Variants in DOK4 observed in about 807,000 individuals in gnomAD.
DOK4 encodes the protein downstream of tyrosine kinase 4.
In DOK4, 26 loss-of-function variants were observed where a neutral mutation model predicts 40.1. That is an observed-to-expected ratio of 0.65 (90% CI 0.48 to 0.90). The LOEUF (loss-of-function observed/expected upper bound fraction) is 0.90. Ranked by LOEUF, DOK4 falls within the 40% of genes least tolerant of loss-of-function variation. The pLI is 0.00. For synonymous variants in DOK4, 179 were observed against 177.0 expected, an observed-to-expected ratio of 1.01 and a Z score of -0.09; for missense variants, 392 against 437.2, an observed-to-expected ratio of 0.90 and a Z score of 0.92.
intron 6 of DOK4, 136 bp downstream of exon 6, chr16:57,474,657 T>C: frequency 8.9e-7 from 1 of 1,121,878 alleles, no homozygotes; most frequent in East Asian, 2.6e-5. Context: ...GTCTGTAAAA[T>C]GGGAACATTA....
At position 57,473,884 on chromosome 16, in the gene DOK4, G is replaced by A; in HGVS notation, c.738+17C>T. ...CCCCCCTCCCCCCGTACCCTGGACT[G>A]ATGCCCGCTGCCTCACCCTCACGTT... On this transcript the variant is annotated intron_variant, in intron 7 of 8. Transcript: ENST00000340099. 1 of 1,514,784 alleles carries A rather than the reference G, an allele frequency of 6.6e-7. No individual in the cohort carries two copies. Among genetic ancestry groups the A allele is most frequent in the Non-Finnish European group, 9.1e-7 (1 of 1,098,612 alleles). The allele number at this position is 1,514,784 out of a possible 1,614,324, so 93.8% of individuals were successfully genotyped here.
chr16:57,474,045 G>A lies in DOK4; in HGVS notation c.600-6C>T, dbSNP rs776753707. Reference sequence around the variant, plus strand: ...CTTCCCCAGCATCACACATCCTGGGGACACAGCACAGAGGGCAAGATGGTG... The same window carrying A: ...CTTCCCCAGCATCACACATCCTGGGAACACAGCACAGAGGGCAAGATGGTG... On this transcript the variant is annotated splice_polypyrimidine_tract_variant and splice_region_variant and intron_variant, in intron 6 of 8. Transcript: ENST00000340099. The A allele has an allele frequency of 3.7e-6, 6 of 1,613,856 alleles. No individual in the cohort carries two copies. Among genetic ancestry groups the A allele is most frequent in the Non-Finnish European group, 5.1e-6 (6 of 1,179,962 alleles).
intron 1 of DOK4, chr16:57,484,228 CCT>C (rs2031488019): frequency 6.6e-6 from 1 of 152,504 alleles, no homozygotes; most frequent in Non-Finnish European, 1.5e-5. Flanking sequence ...CCTCCCCACC[CCT>C]GACAGATCGG....
chr16:57,474,023 C>G, exon 7 of DOK4: 1 of 1,614,104 alleles, frequency 6.2e-7, no homozygotes. Context: ...TAGAGTCCTT[C>G]CCCAGCATCA....
At position 57,479,297 on chromosome 16, in the gene DOK4, G is replaced by C. The variant is rs2031320391; in HGVS notation, c.66+145C>G. 6 of 872,480 alleles carry C rather than the reference G, an allele frequency of 6.9e-6. No individual in the cohort carries two copies. The South Asian group carries it at 1.0e-4, about 15-fold the overall frequency. 54.0% of individuals were successfully genotyped at this position (872,480 alleles called of 1,614,324 possible). A position where few individuals can be genotyped will look rare whatever the true frequency, so the allele number is the denominator to read the frequency against. On this transcript the variant is annotated intron_variant, in intron 2 of 8. Coordinates refer to ENST00000340099, the Ensembl canonical transcript of DOK4. This position sits in a 1 kb window ranked among gnomAD's most constrained non-coding sequence, Gnocchi z 5.8. Reference sequence around the variant, plus strand: ...CAGGCACATGCCAGGCAGCACGCTGGCGAGGAGCCCCGAGACCACAGATGC... The same window carrying C: ...CAGGCACATGCCAGGCAGCACGCTGCCGAGGAGCCCCGAGACCACAGATGC...
intron 2 of DOK4, among the ~76,000 whole-genome samples, chr16:57,477,093 G>A (rs1279859775): frequency 4.6e-5 from 7 of 152,250 alleles, no homozygotes; most frequent in African/African-American, 1.4e-4. Context: ...GGGAGACTGA[G>A]TGGTGGCCGA....
exon 9 of DOK4, chr16:57,472,316 C>A (rs2030891582): frequency 6.5e-6 from 1 of 152,698 alleles, no homozygotes; most frequent in South Asian, 2.1e-4. Flanking sequence ...AAACCCCACA[C>A]AACCAAAAGT....
chr16:57,484,632 C>G (rs1316079819), intron 1 of DOK4, among the ~76,000 whole-genome samples: 3 of 152,194 alleles, frequency 2.0e-5, no homozygotes, highest in Non-Finnish European at 4.4e-5. Flanking sequence ...CTGCCCACCC[C>G]TCAACATGCC....
At chr16:57,473,464 C>T (rs375262491) in exon 9 of DOK4, 25 of 1,614,064 alleles carry the variant, frequency 1.5e-5, no homozygotes, top group African/African-American at 4.0e-5. Context: ...GGTCTGTTTC[C>T]GAGCTGGCCT....
rs1240323083 is a variant in DOK4, at chr16:57,485,658, ACCCAGGTG to A, written c.-182+639_-182+646del. On this transcript the variant is annotated intron_variant, in intron 1 of 8. Coordinates refer to ENST00000340099, the Ensembl canonical transcript of DOK4. This position sits in a 1 kb window ranked among gnomAD's most constrained non-coding sequence, Gnocchi z 4.3. ...CACAGAGCCCCTGCTCTGCCACATC[ACCCAGGTG>A]CCCAGCCTCGGCTCATGCCCCTTTT... Among the ~76,000 whole-genome samples the A allele has an allele frequency of 2.0e-5, 3 of 151,778 alleles. No homozygotes were observed. The highest frequency in any genetic ancestry group is 3.9e-4 in the East Asian group (2 of 5,156).
intron 8 of DOK4, 28 bp downstream of exon 8, chr16:57,473,577 CCTGGCAGG>C: frequency 6.2e-7 from 1 of 1,614,260 alleles, no homozygotes; most frequent in Non-Finnish European, 8.5e-7. Context: ...CACAAAGCCT[CCTGGCAGG>C]TGGGTGTGGG....
upstream of DOK4, chr16:57,486,955 C>T (rs2031558328): frequency 6.5e-6 from 1 of 152,940 alleles, no homozygotes; most frequent in South Asian, 2.1e-4. Context: ...GTAGCCGCAC[C>T]AGCACCTCTG....
chr16:57,474,455 C>A (rs1157388766), intron 6 of DOK4, among the ~76,000 whole-genome samples: 1 of 152,166 alleles, frequency 6.6e-6, no homozygotes, highest in African/African-American at 2.4e-5. Flanking sequence ...ACCCAGTCTT[C>A]ACTATAATTC....
intron 6 of DOK4, 27 bp downstream of exon 6, chr16:57,474,766 C>G: frequency 6.2e-7 from 1 of 1,609,064 alleles, no homozygotes; most frequent in Admixed American, 1.7e-5. Flanking sequence ...CATAGTAGGA[C>G]AGGGCTGGGA....
intron 3 of DOK4, 40 bp from the exon 4 acceptor site, chr16:57,475,660 A>ATCTCTCTCTC (rs745508207): frequency 0.014 from 6,592 of 472,902 alleles, 80 homozygotes; most frequent in East Asian, 0.036. Flanking sequence ...AGGCCAGTGC[A>ATCTCTCTCTC]TCTCTCTCTC....
exon 9 of DOK4, chr16:57,473,340 AG>A: frequency 6.3e-7 from 1 of 1,589,000 alleles, no homozygotes; most frequent in Non-Finnish European, 8.6e-7. Flanking sequence ...CGCAGCAGGC[AG>A]CCCCCAGCAG....
intron 1 of DOK4, among the ~76,000 whole-genome samples, chr16:57,482,527 C>T (rs1167491294): frequency 6.6e-5 from 10 of 151,806 alleles, no homozygotes; most frequent in African/African-American, 2.4e-4. Context: ...CCACCATACC[C>T]GGCTAATTGT....
chr16:57,479,397 C>T lies in DOK4; in HGVS notation c.66+45G>A. The T allele has an allele frequency of 6.2e-7, 1 of 1,606,142 alleles. No individual in the cohort carries two copies. The highest frequency in any genetic ancestry group is 1.3e-5 in the African/African-American group (1 of 74,934). ...CCAAGCCTGGGACCGAGTCCTCGGG[C>T]CCCCATCCCTTGGCAGGGCCCCTCC... On this transcript the variant is annotated intron_variant, in intron 2 of 8. Transcript: ENST00000340099. This position sits in a 1 kb window ranked among gnomAD's most constrained non-coding sequence, Gnocchi z 5.8.
At position 57,479,442 on chromosome 16, in the gene DOK4, C is replaced by T. The variant is rs1262075250; in HGVS notation, c.66G>A (p.Gly22=). 13 of 1,613,608 alleles carry T rather than the reference C, an allele frequency of 8.1e-6. No homozygotes were observed. The highest frequency in any genetic ancestry group is 1.0e-5 in the Non-Finnish European group (12 of 1,179,868). ...CCCTCCGCAGCTCAGGGTCACTCAC[C>T]CCGAGCTTCCTGCTCTTCATCTTCA... The change falls in exon 2 of 9, where the codon GGG becomes GGA. Residue 22 remains glycine, a splice_region_variant and synonymous_variant. Coordinates refer to ENST00000340099, the Ensembl canonical transcript of DOK4. This position sits in a 1 kb window ranked among gnomAD's most constrained non-coding sequence, Gnocchi z 5.8.
Sources: gnomAD v4.1 joint callset for allele counts (sites outside exome capture counted in the v4.1 genomes callset) on GRCh38, gnomAD v4.1.1 for gene constraint, Gnocchi (gnomAD v3.1) non-coding constraint, MANE v1.5 for transcripts, NCBI Gene and HGNC (gene_info 2026-07-23, HGNC 2026-07-21) for gene names.